Variants in ATP2B2 observed in about 807,000 individuals in gnomAD.
ATP2B2 encodes ATPase plasma membrane Ca2+ transporting 2.
In ATP2B2, 15 loss-of-function variants were observed where a neutral mutation model predicts 120.0. That is an observed-to-expected ratio of 0.12 (90% CI 0.08 to 0.19). The LOEUF (loss-of-function observed/expected upper bound fraction) is 0.19. Ranked by LOEUF, ATP2B2 falls within the 10% of genes least tolerant of loss-of-function variation. The pLI is 1.00. For missense variants in ATP2B2, 1,045 were observed against 1,719.8 expected (o/e 0.61, Z 6.94); for synonymous variants, 694 against 700.3 (o/e 0.99, Z 0.14).
At chr3:10,415,856 C>T (rs1251713172) in intron 2 of ATP2B2, among the ~76,000 whole-genome samples, 1 of 152,194 alleles carries the variant, frequency 6.6e-6, no homozygotes, top group Non-Finnish European at 1.5e-5. Context: ...GGGTTGTAGG[C>T]TTTCAAATGT....
intron 1 of ATP2B2, among the ~76,000 whole-genome samples, chr3:10,464,289 C>T (rs1022177643): frequency 6.6e-6 from 1 of 152,178 alleles, no homozygotes; most frequent in Admixed American, 6.5e-5. Flanking sequence ...GCTAGCTGTG[C>T]TCACCAGCCA....
chr3:10,578,666 C>T (rs1474248125), intron 2 of ATP2B2, among the ~76,000 whole-genome samples: 2 of 152,126 alleles, frequency 1.3e-5, no homozygotes, highest in Non-Finnish European at 2.9e-5. Flanking sequence ...CAAATGCCCA[C>T]CCACAAGAGA....
chr3:10,586,135 T>C (rs1307068572), intron 2 of ATP2B2, among the ~76,000 whole-genome samples: 2 of 152,258 alleles, frequency 1.3e-5, no homozygotes, highest in Non-Finnish European at 2.9e-5. Context: ...TGTTTACTTC[T>C]GACCGAAGCC....
chr3:10,698,061 G>C (rs1416197842), intron 1 of ATP2B2, among the ~76,000 whole-genome samples: 16 of 152,184 alleles, frequency 1.1e-4, no homozygotes, highest in Admixed American at 1.0e-3. Context: ...AGCCCTGACT[G>C]TGTCAGTTTC....
intron 2 of ATP2B2, among the ~76,000 whole-genome samples, chr3:10,562,752 G>A (rs998878223): frequency 6.6e-6 from 1 of 152,184 alleles, no homozygotes; most frequent in Non-Finnish European, 1.5e-5. Context: ...TCACTGCAAC[G>A]TTGCTTATTA....
chr3:10,689,255 G>A (rs934502785), intron 1 of ATP2B2, among the ~76,000 whole-genome samples: 2 of 152,108 alleles, frequency 1.3e-5, no homozygotes, highest in Non-Finnish European at 2.9e-5. Flanking sequence ...GTGGGTGGCG[G>A]GGCACATGAG....
chr3:10,674,683 T>C (rs74422488), intron 1 of ATP2B2, among the ~76,000 whole-genome samples: 5,306 of 152,326 alleles, frequency 0.035, 289 homozygotes, highest in African/African-American at 0.12. Flanking sequence ...CACCAGTTGT[T>C]AATGTTTCCT....
intron 3 of ATP2B2, among the ~76,000 whole-genome samples, chr3:10,405,214 C>T (rs1575135631): frequency 6.6e-6 from 1 of 152,128 alleles, no homozygotes; most frequent in Non-Finnish European, 1.5e-5. Flanking sequence ...TTTTCATGAG[C>T]TTTTTTCCTT....
In ATP2B2 at chr3:10,340,439, G is replaced by C; in HGVS notation, c.3129+54C>G. On this transcript the variant is annotated intron_variant, in intron 20 of 22. Coordinates refer to ENST00000360273, the MANE Select transcript of ATP2B2 (RefSeq NM_001001331.4). The surrounding 1 kb of genome is among the most constrained non-coding windows in gnomAD (Gnocchi z 5.0). ...TGGGCTCTCAGGGTCCTGCCCAGGG[G>C]CTCCAGCCGCTTGCTGCCCACCCCG... 6.2e-7 allele frequency: 1 copy of C among 1,613,596 alleles called. No individual in the cohort carries two copies. Among genetic ancestry groups the C allele is most frequent in the Non-Finnish European group, 8.5e-7 (1 of 1,179,550 alleles).
chr3:10,445,014 G>A lies in ATP2B2; in HGVS notation c.199+4331C>T, dbSNP rs895749377. Among the ~76,000 whole-genome samples, 9 of 152,186 alleles carry A rather than the reference G, an allele frequency of 5.9e-5. No individual in the cohort carries two copies. In the East Asian group the frequency reaches 1.5e-3, roughly 26 times the overall value. On this transcript the variant is annotated intron_variant, in intron 2 of 22. Coordinates refer to ENST00000360273, the MANE Select transcript of ATP2B2 (RefSeq NM_001001331.4). ...CCTCCCGGACCACCTGGCACTAGTCGCCCATCTTTCCATGTCCTCTGATGG... is the reference window on the plus strand; with the variant it reads ...CCTCCCGGACCACCTGGCACTAGTCACCCATCTTTCCATGTCCTCTGATGG...
At chr3:10,417,725 G>A (rs1285302659) in intron 2 of ATP2B2, among the ~76,000 whole-genome samples, 1 of 152,218 alleles carries the variant, frequency 6.6e-6, no homozygotes, top group Admixed American at 6.5e-5. Flanking sequence ...GAAGACAGGA[G>A]TGTCAGGAAG....
chr3:10,468,619 G>T (rs1391827113), intron 1 of ATP2B2, among the ~76,000 whole-genome samples: 1 of 152,224 alleles, frequency 6.6e-6, no homozygotes, highest in Non-Finnish European at 1.5e-5. Context: ...GAAAGTGGGA[G>T]CAAGGTGCCC....
chr3:10,653,291 C>G (rs545375064), intron 1 of ATP2B2, among the ~76,000 whole-genome samples: 2 of 152,338 alleles, frequency 1.3e-5, no homozygotes, highest in East Asian at 3.9e-4. Flanking sequence ...CCACTCTTAT[C>G]TGCTGCAGCC....
intron 3 of ATP2B2, among the ~76,000 whole-genome samples, chr3:10,403,085 T>C (rs979628925): frequency 2.1e-5 from 3 of 144,822 alleles, no homozygotes; most frequent in African/African-American, 8.8e-5. Context: ...CTGCTGCCTC[T>C]GCATGATTTT....
chr3:10,357,377 T>G (rs1256593112), intron 14 of ATP2B2, among the ~76,000 whole-genome samples: 1 of 152,186 alleles, frequency 6.6e-6, no homozygotes, highest in Non-Finnish European at 1.5e-5. Flanking sequence ...ATCTGTCTGA[T>G]GTCTGAGCTC....
chr3:10,374,475 T>C (rs984807474), intron 11 of ATP2B2, among the ~76,000 whole-genome samples: 2 of 152,270 alleles, frequency 1.3e-5, no homozygotes, highest in Non-Finnish European at 2.9e-5. Flanking sequence ...ATGCTCACCA[T>C]GCCCTCTGGA....
intron 2 of ATP2B2, among the ~76,000 whole-genome samples, chr3:10,544,019 G>A (rs1166709433): frequency 6.6e-5 from 10 of 152,182 alleles, no homozygotes; most frequent in Middle Eastern, 3.4e-3. Flanking sequence ...GATTATAGGC[G>A]TAAGCCACCA....
intron 1 of ATP2B2, among the ~76,000 whole-genome samples, chr3:10,493,377 T>C (rs746698311): frequency 1.3e-5 from 2 of 151,786 alleles, no homozygotes; most frequent in Non-Finnish European, 1.5e-5. Context: ...GGAAATAGCA[T>C]GTGCAAAGGC....
At chr3:10,490,025 T>C (rs1309170679) in intron 1 of ATP2B2, among the ~76,000 whole-genome samples, 1 of 152,228 alleles carries the variant, frequency 6.6e-6, no homozygotes, top group Non-Finnish European at 1.5e-5. Flanking sequence ...CCTGGTCCCC[T>C]GTTTTTCCAG....
Sources: gnomAD v4.1 joint callset for allele counts (sites outside exome capture counted in the v4.1 genomes callset) on GRCh38, gnomAD v4.1.1 for gene constraint, Gnocchi (gnomAD v3.1) non-coding constraint, MANE v1.5 for transcripts, NCBI Gene and HGNC (gene_info 2026-07-23, HGNC 2026-07-21) for gene names.